AKAP19: variants seen among roughly 807,000 people sequenced by gnomAD.
AKAP19 encodes the protein A-kinase anchoring protein 19, also known as small A-kinase anchoring protein.
the AKAP19 span, chr2:189,931,099 T>C: frequency 2.6e-6 from 1 of 387,500 alleles, no homozygotes; most frequent in African/African-American, 2.1e-5. Context: ...GTGGGATACT[T>C]TGAGACTATG....
chr2:190,008,261 G>C, the AKAP19 span, among the ~76,000 whole-genome samples: 1 of 152,100 alleles, frequency 6.6e-6, no homozygotes, highest in Non-Finnish European at 1.5e-5. Context: ...GTTTTATTAA[G>C]TAAATATAAT....
chr2:189,938,763 C>T, the AKAP19 span, among the ~76,000 whole-genome samples: 1 of 152,040 alleles, frequency 6.6e-6, no homozygotes, highest in Non-Finnish European at 1.5e-5. Flanking sequence ...GGAATGGATA[C>T]CCCATCTTCC....
chr2:190,004,213 T>G, the AKAP19 span, among the ~76,000 whole-genome samples: 1 of 152,150 alleles, frequency 6.6e-6, no homozygotes, highest in Non-Finnish European at 1.5e-5. Flanking sequence ...GCATGGCACA[T>G]GTATACATAT....
chr2:190,152,700 A>G, the AKAP19 span, among the ~76,000 whole-genome samples: 4 of 152,272 alleles, frequency 2.6e-5, no homozygotes, highest in East Asian at 5.8e-4. Flanking sequence ...ATTGTTCCTT[A>G]GTAACTTATC....
the AKAP19 span, among the ~76,000 whole-genome samples, chr2:190,023,795 GTATATATATATATATATATATATACATA>G: frequency 7.0e-6 from 1 of 142,834 alleles, no homozygotes; most frequent in African/African-American, 2.6e-5. Flanking sequence ...ATGTGTGTGT[GTATATATATATATATATATATATACATA>G]TATATACTTT....
the AKAP19 span, among the ~76,000 whole-genome samples, chr2:189,966,041 C>A: frequency 2.0e-5 from 3 of 151,892 alleles, no homozygotes; most frequent in Non-Finnish European, 4.4e-5. Flanking sequence ...TTTGCAGCAA[C>A]CTGGATGGGA....
chr2:190,063,457 T>C, the AKAP19 span, among the ~76,000 whole-genome samples: 4 of 152,142 alleles, frequency 2.6e-5, no homozygotes, highest in Non-Finnish European at 5.9e-5. Flanking sequence ...GATGTGTTTT[T>C]CATTGTTTAT....
chr2:190,068,319 G>A, the AKAP19 span, among the ~76,000 whole-genome samples: 3,716 of 152,072 alleles, frequency 0.024, 164 homozygotes, highest in East Asian at 0.18. Context: ...ATAGTTAGAC[G>A]GGGAGAACAG....
chr2:190,194,402 T>TA, the AKAP19 span, among the ~76,000 whole-genome samples: 1 of 150,996 alleles, frequency 6.6e-6, no homozygotes, highest in Non-Finnish European at 1.5e-5. Context: ...AAAAAAATAA[T>TA]AGACTGTTTT....
At chr2:189,955,762 A>G in the AKAP19 span, among the ~76,000 whole-genome samples, 1 of 152,220 alleles carries the variant, frequency 6.6e-6, no homozygotes, top group African/African-American at 2.4e-5. Flanking sequence ...TTAAGAACAC[A>G]AAATTTACCA....
chr2:189,983,583 A>G, the AKAP19 span, among the ~76,000 whole-genome samples: 1 of 152,256 alleles, frequency 6.6e-6, no homozygotes, highest in Non-Finnish European at 1.5e-5. Context: ...GTTCCCAGGC[A>G]TAGGTGCTGC....
chr2:189,983,372 A>G, the AKAP19 span, among the ~76,000 whole-genome samples: 18 of 152,206 alleles, frequency 1.2e-4, no homozygotes, highest in South Asian at 2.1e-4. Flanking sequence ...CTGCCATTCT[A>G]TGTAGGGAGG....
the AKAP19 span, among the ~76,000 whole-genome samples, chr2:190,063,400 G>C: frequency 7.3e-5 from 11 of 150,146 alleles, no homozygotes; most frequent in African/African-American, 2.4e-4. Flanking sequence ...TTTTGACTGA[G>C]TGCTATTATT....
chr2:189,989,990 C>T, the AKAP19 span, among the ~76,000 whole-genome samples: 13 of 152,084 alleles, frequency 8.5e-5, 1 homozygote, highest in Admixed American at 7.9e-4. Flanking sequence ...AGGCTTTTCC[C>T]TTTTTTCCCA....
At chr2:190,065,143 G>T in the AKAP19 span, among the ~76,000 whole-genome samples, 1 of 151,936 alleles carries the variant, frequency 6.6e-6, no homozygotes, top group Non-Finnish European at 1.5e-5. Flanking sequence ...CACATATTTT[G>T]TGCTTCTTTT....
the AKAP19 span, among the ~76,000 whole-genome samples, chr2:190,110,769 C>G: frequency 6.6e-6 from 1 of 152,168 alleles, no homozygotes; most frequent in Non-Finnish European, 1.5e-5. Context: ...GAATGAAATG[C>G]TTCTGGCCAT....
the AKAP19 span, among the ~76,000 whole-genome samples, chr2:189,944,794 T>C: frequency 6.6e-6 from 1 of 152,188 alleles, no homozygotes; most frequent in South Asian, 2.1e-4. Context: ...AGAATACTCA[T>C]TGTTTTCATC....
the AKAP19 span, among the ~76,000 whole-genome samples, chr2:189,973,700 G>T: frequency 6.6e-6 from 1 of 152,094 alleles, no homozygotes; most frequent in African/African-American, 2.4e-5. Flanking sequence ...CTTCTTCCTG[G>T]TTTAGTCTTG....
At chr2:190,033,072 G>A in the AKAP19 span, among the ~76,000 whole-genome samples, 1 of 152,168 alleles carries the variant, frequency 6.6e-6, no homozygotes, top group Non-Finnish European at 1.5e-5. Context: ...ATACAGTGAG[G>A]AGAACAACTT....
Sources: allele counts gnomAD v4.1 joint callset (sites outside exome capture counted in the v4.1 genomes callset), GRCh38; gene constraint gnomAD v4.1.1; transcripts MANE v1.5; gene names NCBI Gene and HGNC (gene_info 2026-07-23, HGNC 2026-07-21).